The following POU6F2 variants were observed in gnomAD, a reference collection of about 807,000 sequenced individuals.
POU6F2 encodes the protein POU class 6 homeobox 2, also known as POU domain, class 6, transcription factor 2.
A neutral mutation model predicts 71.3 loss-of-function variants in POU6F2; 31 were observed. The observed-to-expected ratio is 0.43, with a 90% confidence interval of 0.33 to 0.59. The LOEUF is 0.59. Among genes scored for constraint, POU6F2 ranks in the 20% least tolerant of loss-of-function variants. The pLI, the probability that POU6F2 is intolerant of heterozygous loss-of-function variation, is 0.04. For synonymous variants in POU6F2, 347 were observed against 355.7 expected (o/e 0.98, Z 0.27); for missense variants, 783 against 856.8 (o/e 0.91, Z 1.07).
chr7:39,111,928 A>G (rs984207451), intron 2 of POU6F2, among the ~76,000 whole-genome samples: 21 of 152,136 alleles, frequency 1.4e-4, no homozygotes, highest in Admixed American at 1.2e-3. Flanking sequence ...CAATGGGTGG[A>G]AGCTTTAGGG....
At chr7:39,346,895 G>A (rs1034582855) in intron 5 of POU6F2, among the ~76,000 whole-genome samples, 4 of 152,220 alleles carry the variant, frequency 2.6e-5, no homozygotes, top group South Asian at 2.1e-4. Context: ...TGTAAAGAAA[G>A]CACTTTTATC....
At chr7:39,094,491 A>G (rs1791416475) in intron 2 of POU6F2, among the ~76,000 whole-genome samples, 1 of 152,134 alleles carries the variant, frequency 6.6e-6, no homozygotes. Context: ...TAAGGATTAT[A>G]TGCGCCTATA....
chr7:38,996,529 T>C (rs1212063322), intron 1 of POU6F2, among the ~76,000 whole-genome samples: 2 of 152,188 alleles, frequency 1.3e-5, no homozygotes, highest in Non-Finnish European at 2.9e-5. Flanking sequence ...TATCTATTCT[T>C]TCATCCACTT....
At chr7:39,015,171 T>C (rs1303927580) in intron 1 of POU6F2, among the ~76,000 whole-genome samples, 1 of 149,760 alleles carries the variant, frequency 6.7e-6, no homozygotes, top group African/African-American at 2.4e-5. Flanking sequence ...ATTTATTTCC[T>C]CTTTTAAAAA....
intron 6 of POU6F2, among the ~76,000 whole-genome samples, chr7:39,410,002 A>G (rs1000832373): frequency 5.9e-5 from 9 of 152,250 alleles, no homozygotes; most frequent in African/African-American, 1.9e-4. Flanking sequence ...TTCAAAGAAC[A>G]GGCACTATTC....
chr7:39,408,847 G>C (rs78809278), intron 6 of POU6F2, among the ~76,000 whole-genome samples: 1,645 of 151,988 alleles, frequency 0.011, 35 homozygotes, highest in African/African-American at 0.037. Flanking sequence ...TTGTTTTTTT[G>C]ATGTTCAGAA....
At chr7:39,248,085 C>A (rs1474155292) in intron 4 of POU6F2, among the ~76,000 whole-genome samples, 1 of 151,790 alleles carries the variant, frequency 6.6e-6, no homozygotes, top group African/African-American at 2.4e-5. Context: ...TTCCCAGTAA[C>A]TGTTCTCTTT....
At chr7:39,143,809 G>C (rs548607866) in intron 2 of POU6F2, among the ~76,000 whole-genome samples, 1 of 152,344 alleles carries the variant, frequency 6.6e-6, no homozygotes, top group South Asian at 2.1e-4. Flanking sequence ...TTAGATTGAA[G>C]AGTTTAAACA....
At chr7:39,221,643 T>A (rs1794364488) in intron 4 of POU6F2, among the ~76,000 whole-genome samples, 1 of 152,116 alleles carries the variant, frequency 6.6e-6, no homozygotes, top group African/African-American at 2.4e-5. Context: ...CACCTCGGCC[T>A]TCCAAAGTGC....
At chr7:39,450,518 A>G (rs1241101751) in intron 7 of POU6F2, among the ~76,000 whole-genome samples, 2 of 152,112 alleles carry the variant, frequency 1.3e-5, no homozygotes, top group Non-Finnish European at 2.9e-5. Flanking sequence ...AAGTAGACCT[A>G]GAACCTGCAA....
At chr7:39,158,489 T>A (rs948776528) in intron 2 of POU6F2, among the ~76,000 whole-genome samples, 1 of 152,076 alleles carries the variant, frequency 6.6e-6, no homozygotes, top group African/African-American at 2.4e-5. Context: ...GGCTGAGAAG[T>A]CCCATTATGG....
intron 4 of POU6F2, among the ~76,000 whole-genome samples, chr7:39,338,716 C>T (rs1322061683): frequency 4.6e-5 from 7 of 152,160 alleles, no homozygotes; most frequent in African/African-American, 1.7e-4. Flanking sequence ...AGAAAGTGAA[C>T]TTGGTTTTTA....
chr7:39,100,213 A>T (rs1376180284), intron 2 of POU6F2, among the ~76,000 whole-genome samples: 1 of 152,234 alleles, frequency 6.6e-6, no homozygotes, highest in Non-Finnish European at 1.5e-5. Context: ...TATATTTTTC[A>T]AAAGGAACAA....
chr7:39,261,858 G>A (rs1413338839), intron 4 of POU6F2, among the ~76,000 whole-genome samples: 2 of 152,262 alleles, frequency 1.3e-5, no homozygotes, highest in Middle Eastern at 3.4e-3. Flanking sequence ...TAGTACTTAT[G>A]TCTTTAAGAC....
intron 5 of POU6F2, among the ~76,000 whole-genome samples, chr7:39,350,806 T>G (rs995665965): frequency 1.3e-5 from 2 of 152,224 alleles, no homozygotes; most frequent in African/African-American, 4.8e-5. Context: ...GCCTGGCAGG[T>G]GACTGTCTCT....
At chr7:39,106,960 C>G (rs751812827) in intron 2 of POU6F2, among the ~76,000 whole-genome samples, 1 of 151,686 alleles carries the variant, frequency 6.6e-6, no homozygotes, top group East Asian at 1.9e-4. Context: ...TGATTTTTGA[C>G]CATTGGTAAT....
At position 39,339,957 on chromosome 7, in the gene POU6F2, C is replaced by G; in HGVS notation, c.914C>G (p.Pro305Arg). 6.2e-7 allele frequency: 1 copy of G among 1,613,936 alleles called. No homozygotes were observed. Among genetic ancestry groups the G allele is most frequent in the Non-Finnish European group, 8.5e-7 (1 of 1,179,870 alleles). The change falls in exon 5 of 10, where the codon CCT becomes CGT. Residue 305 changes from proline (P) to arginine (R), a missense_variant. Pro to Arg is a moderately radical substitution (Grantham distance 103). Transcript: ENST00000518318. The stretch of plus-strand genomic sequence containing the variant: ...CAGAGCTCCAGCCCCCCGCAGAAAC[C>G]TAGTCAGTCTCCAGGACATGGCCTG... Reference protein sequence around the residue: ...TQQSSSPPQKPSQSPGHGLPS... With the variant: ...TQQSSSPPQKRSQSPGHGLPS...
At chr7:39,455,967 T>C (rs537558224) in intron 8 of POU6F2, among the ~76,000 whole-genome samples, 107 of 152,334 alleles carry the variant, frequency 7.0e-4, no homozygotes, top group African/African-American at 2.5e-3. Context: ...CATGTTAGCC[T>C]AAGTCCCCAG....
intron 6 of POU6F2, among the ~76,000 whole-genome samples, chr7:39,414,558 C>T (rs112702116): frequency 6.6e-6 from 1 of 152,194 alleles, no homozygotes; most frequent in Non-Finnish European, 1.5e-5. Flanking sequence ...AGGGACTCCG[C>T]GGGCGGCGGA....
Sources: allele counts gnomAD v4.1 joint callset (sites outside exome capture counted in the v4.1 genomes callset), GRCh38; gene constraint gnomAD v4.1.1; transcripts MANE v1.5; gene names NCBI Gene and HGNC (gene_info 2026-07-23, HGNC 2026-07-21).